Variants in HERC4 observed in about 807,000 individuals in gnomAD.
HERC4 encodes HECT and RLD domain containing E3 ubiquitin protein ligase 4.
A neutral mutation model predicts 124.3 loss-of-function variants in HERC4; 28 were observed. The ratio of observed to expected loss-of-function variants is 0.23; its 90% CI spans 0.17 to 0.31. The LOEUF (loss-of-function observed/expected upper bound fraction) is 0.31, where lower values mean the gene tolerates loss of function less well. Among genes scored for constraint, HERC4 ranks in the 10% least tolerant of loss-of-function variants. The pLI is 1.00. For missense variants in HERC4, 713 were observed against 1,229.3 expected (o/e 0.58, Z 6.28); for synonymous variants, 407 against 421.5 (o/e 0.97, Z 0.42).
At chr10:67,960,958 GA>G (rs1400350139) in intron 16 of HERC4, 1 of 352,578 alleles carries the variant, frequency 2.8e-6, no homozygotes, top group Non-Finnish European at 5.4e-6. Context: ...GAACCTCTTG[GA>G]TCATGATTTT....
At chr10:68,051,809 C>T (rs2040327343) in intron 3 of HERC4, among the ~76,000 whole-genome samples, 1 of 151,524 alleles carries the variant, frequency 6.6e-6, no homozygotes, top group African/African-American at 2.4e-5. Flanking sequence ...CCACCTCAGG[C>T]TCCTGAGTAG....
intron 8 of HERC4, among the ~76,000 whole-genome samples, chr10:68,017,693 T>TG (rs1031980392): frequency 1.3e-5 from 2 of 152,154 alleles, no homozygotes; most frequent in Non-Finnish European, 2.9e-5. Context: ...TTTGCCATGT[T>TG]GGCCAGGCTG....
chr10:67,977,150 C>T (rs1206158772), intron 15 of HERC4, among the ~76,000 whole-genome samples: 2 of 152,296 alleles, frequency 1.3e-5, no homozygotes, highest in South Asian at 2.1e-4. Flanking sequence ...AGATCTTCTC[C>T]TTCCACTTGC....
In HERC4 at chr10:67,947,315, A is replaced by T. The variant is rs527410718; in HGVS notation, c.2338-6210T>A. Among the ~76,000 whole-genome samples the T allele has an allele frequency of 5.4e-4, 83 of 152,358 alleles. 2 individuals are homozygous for T. In the South Asian group the frequency reaches 0.016, roughly 30 times the overall value. ...ATGTAAATAGTAACAAAAGAGAGCT[A>T]GAGAAACTATACTAAGACAAAACAG... is the stretch of plus-strand genomic sequence containing the variant. On this transcript the variant is annotated intron_variant, in intron 19 of 24. Coordinates refer to ENST00000373700, the MANE Select transcript of HERC4 (RefSeq NM_015601.4).
intron 3 of HERC4, among the ~76,000 whole-genome samples, chr10:68,059,112 T>C (rs1300643167): frequency 6.6e-6 from 1 of 152,134 alleles, no homozygotes; most frequent in Non-Finnish European, 1.5e-5. Flanking sequence ...TTTTACTTAA[T>C]GTATATTAGA....
chr10:67,946,544 A>T, intron 19 of HERC4, among the ~76,000 whole-genome samples: 1 of 152,144 alleles, frequency 6.6e-6, no homozygotes, highest in East Asian at 1.9e-4. Context: ...TGCAAGACAA[A>T]AACTATAGAA....
At chr10:67,949,115 A>T (rs2132240717) in intron 19 of HERC4, among the ~76,000 whole-genome samples, 1 of 150,354 alleles carries the variant, frequency 6.7e-6, no homozygotes, top group East Asian at 2.0e-4. Flanking sequence ...ATAAAATAAA[A>T]ATACAAAAAA....
chr10:67,923,544 T>C (rs1377731607), intron 24 of HERC4, among the ~76,000 whole-genome samples: 1 of 152,140 alleles, frequency 6.6e-6, no homozygotes, highest in Non-Finnish European at 1.5e-5. Flanking sequence ...AAATTTATAA[T>C]GGGCAGCCAA....
intron 3 of HERC4, among the ~76,000 whole-genome samples, chr10:68,061,879 T>TAAAAAAAAAAAAAA (rs71470503): frequency 9.1e-5 from 5 of 54,888 alleles, no homozygotes; most frequent in African/African-American, 4.1e-4. Context: ...AGACTCCATT[T>TAAAAAAAAAAAAAA]AAAAAAAAAA....
At chr10:68,001,153 T>C (rs2037207289) in intron 9 of HERC4, among the ~76,000 whole-genome samples, 2 of 152,108 alleles carry the variant, frequency 1.3e-5, no homozygotes, top group African/African-American at 4.8e-5. Flanking sequence ...GGAGGATCAC[T>C]TGAATCCAGG....
At chr10:67,985,698 T>G (rs958226276) in intron 15 of HERC4, among the ~76,000 whole-genome samples, 2 of 152,238 alleles carry the variant, frequency 1.3e-5, no homozygotes, top group South Asian at 4.1e-4. Flanking sequence ...ATAACCCAAT[T>G]ATTTGCCAGT....
At chr10:67,938,022 T>C (rs555765010) in intron 21 of HERC4, among the ~76,000 whole-genome samples, 6 of 152,076 alleles carry the variant, frequency 3.9e-5, no homozygotes, top group Middle Eastern at 3.4e-3. Context: ...ATTATGAACA[T>C]GCAATTTTTT....
At chr10:68,025,772 G>T in intron 7 of HERC4, 96 bp from the exon 8 acceptor site, 1 of 1,273,016 alleles carries the variant, frequency 7.9e-7, no homozygotes, top group Non-Finnish European at 1.1e-6. Context: ...TATAAACTCA[G>T]TTTTTTCTCT....
At chr10:68,032,956 T>C (rs1189848540) in intron 6 of HERC4, 87 bp from the exon 7 acceptor site, 2 of 719,670 alleles carry the variant, frequency 2.8e-6, no homozygotes, top group Non-Finnish European at 5.0e-6. Flanking sequence ...CCAAGCTCAG[T>C]AGATAGTTGT....
chr10:67,927,409 T>TAC (rs2031172823), intron 23 of HERC4, among the ~76,000 whole-genome samples: 1 of 10,372 alleles, frequency 9.6e-5, no homozygotes, highest in Admixed American at 1.1e-3. Context: ...TATATATATA[T>TAC]ATATATATAT....
intron 9 of HERC4, among the ~76,000 whole-genome samples, chr10:68,003,177 G>A (rs1184523207): frequency 6.8e-6 from 1 of 147,288 alleles, no homozygotes; most frequent in Non-Finnish European, 1.5e-5. Context: ...TTTTTTTTGA[G>A]ACGGAGTCTT....
chr10:68,045,986 T>G (rs1286985343), intron 3 of HERC4, among the ~76,000 whole-genome samples: 1 of 152,194 alleles, frequency 6.6e-6, no homozygotes, highest in South Asian at 2.1e-4. Context: ...ACTCTAATGA[T>G]GTATTAAGTA....
At chr10:67,932,323 T>G (rs531954426) in intron 23 of HERC4, among the ~76,000 whole-genome samples, 1 of 152,274 alleles carries the variant, frequency 6.6e-6, no homozygotes, top group Non-Finnish European at 1.5e-5. Context: ...TGGCCTCAAG[T>G]GATCCTCCCG....
chr10:68,055,060 T>C (rs2040485668), intron 3 of HERC4, among the ~76,000 whole-genome samples: 1 of 152,128 alleles, frequency 6.6e-6, no homozygotes, highest in Non-Finnish European at 1.5e-5. Context: ...GTAGCTGGGA[T>C]TACACAAGTG....
Sources: allele counts gnomAD v4.1 joint callset (sites outside exome capture counted in the v4.1 genomes callset), GRCh38; gene constraint gnomAD v4.1.1; transcripts MANE v1.5; gene names NCBI Gene and HGNC (gene_info 2026-07-23, HGNC 2026-07-21).